The following PVT1 variants were observed in gnomAD, a reference collection of about 807,000 sequenced individuals.
PVT1 encodes CXCR4/PVT1 fusion.
At chr8:127,837,545 T>G (rs1384874501) in intron 2 of PVT1, among the ~76,000 whole-genome samples, 1 of 152,146 alleles carries the variant, frequency 6.6e-6, no homozygotes, top group Admixed American at 6.6e-5. Flanking sequence ...AGTATATTAT[T>G]CCTATATAAT....
chr8:128,065,311 C>A (rs901382674), intron 4 of PVT1, among the ~76,000 whole-genome samples: 2 of 152,130 alleles, frequency 1.3e-5, no homozygotes, highest in African/African-American at 4.8e-5. Context: ...CATGCCTCAG[C>A]CTCCAGAGTA....
chr8:128,062,617 G>A (rs1479241950), intron 4 of PVT1, among the ~76,000 whole-genome samples: 2 of 152,108 alleles, frequency 1.3e-5, no homozygotes, highest in African/African-American at 4.8e-5. Context: ...GTCATTTGTA[G>A]GCTAGAAAAA....
intron 2 of PVT1, among the ~76,000 whole-genome samples, chr8:127,870,847 T>C (rs753294126): frequency 3.3e-5 from 5 of 152,218 alleles, no homozygotes; most frequent in African/African-American, 4.8e-5. Flanking sequence ...GCATGCAGCC[T>C]GAAAATGTGA....
intron 3 of PVT1, among the ~76,000 whole-genome samples, chr8:127,938,072 T>A (rs1033065958): frequency 6.6e-6 from 1 of 152,126 alleles, no homozygotes; most frequent in Non-Finnish European, 1.5e-5. Flanking sequence ...CCTTGTAACC[T>A]CTTCAGGCGA....
intron 3 of PVT1, among the ~76,000 whole-genome samples, chr8:127,903,051 C>T (rs1244210859): frequency 6.6e-6 from 1 of 152,170 alleles, no homozygotes; most frequent in Non-Finnish European, 1.5e-5. Context: ...ACATTCCCAC[C>T]AACAGTGTGT....
chr8:127,918,538 A>T (rs1405076948), intron 3 of PVT1, among the ~76,000 whole-genome samples: 1 of 152,180 alleles, frequency 6.6e-6, no homozygotes. Context: ...CTCATTGATA[A>T]ACTGAAGCCA....
At chr8:127,831,139 A>ATCTC (rs147278525) in intron 2 of PVT1, among the ~76,000 whole-genome samples, 69 of 142,056 alleles carry the variant, frequency 4.9e-4, no homozygotes, top group East Asian at 2.3e-3. Flanking sequence ...ATCTATATCT[A>ATCTC]TCTCTCTCTC....
intron 3 of PVT1, among the ~76,000 whole-genome samples, chr8:127,945,182 T>A (rs1021313675): frequency 6.6e-5 from 10 of 152,008 alleles, no homozygotes; most frequent in African/African-American, 2.2e-4. Flanking sequence ...GCTTGATGCA[T>A]TTTTTTTCTT....
intron 2 of PVT1, among the ~76,000 whole-genome samples, chr8:127,819,011 G>C (rs957445385): frequency 6.6e-6 from 1 of 152,096 alleles, no homozygotes. Context: ...AAGTGCTACC[G>C]CTCCTAGCTA....
At chr8:128,086,113 G>A (rs1272584537) in intron 5 of PVT1, among the ~76,000 whole-genome samples, 11 of 152,200 alleles carry the variant, frequency 7.2e-5, no homozygotes, top group Admixed American at 1.3e-4. Flanking sequence ...GCTGTGAGTC[G>A]ATAAGTTGTT....
At chr8:127,807,813 C>CT (rs1366321083) in intron 2 of PVT1, among the ~76,000 whole-genome samples, 2 of 151,908 alleles carry the variant, frequency 1.3e-5, no homozygotes, top group Non-Finnish European at 2.9e-5. Context: ...GTCACCCAGG[C>CT]TGGGAGTGCA....
intron 2 of PVT1, among the ~76,000 whole-genome samples, chr8:127,870,922 A>G (rs551979095): frequency 2.0e-5 from 3 of 152,234 alleles, no homozygotes; most frequent in Admixed American, 6.5e-5. Flanking sequence ...CGTGTGTCCT[A>G]TTAACTCTGT....
chr8:127,970,935 A>C (rs2129963153), intron 3 of PVT1, among the ~76,000 whole-genome samples: 1 of 152,282 alleles, frequency 6.6e-6, no homozygotes, highest in East Asian at 1.9e-4. Context: ...GGGCCAGCAA[A>C]CTGACAGGCT....
intron 3 of PVT1, among the ~76,000 whole-genome samples, chr8:127,925,995 C>G (rs988424635): frequency 6.6e-6 from 1 of 152,134 alleles, no homozygotes; most frequent in Admixed American, 6.5e-5. Context: ...GTGTTCTCAG[C>G]TCGTTTCATT....
chr8:127,975,998 C>G (rs1381478723), intron 3 of PVT1, among the ~76,000 whole-genome samples: 1 of 152,152 alleles, frequency 6.6e-6, no homozygotes, highest in Non-Finnish European at 1.5e-5. Context: ...CCAGCTGGAA[C>G]CTTCCTCTGT....
intron 4 of PVT1, among the ~76,000 whole-genome samples, chr8:128,000,219 CA>C (rs1252362191): frequency 1.3e-5 from 2 of 152,230 alleles, no homozygotes; most frequent in Non-Finnish European, 2.9e-5. Context: ...GGACCCGAGG[CA>C]CACAGAATGA....
intron 3 of PVT1, among the ~76,000 whole-genome samples, chr8:127,929,610 C>A (rs1816176658): frequency 1.3e-5 from 2 of 151,666 alleles, no homozygotes; most frequent in Admixed American, 1.3e-4. Flanking sequence ...ACTAAAAATA[C>A]AAAAAAAATT....
intron 2 of PVT1, among the ~76,000 whole-genome samples, chr8:127,890,393 G>C (rs113341835): frequency 6.6e-6 from 1 of 152,234 alleles, no homozygotes; most frequent in Admixed American, 6.5e-5. Context: ...GAGGTCCTTC[G>C]TACCGCAGGA....
chr8:127,913,532 C>T (rs1485572553), intron 3 of PVT1, among the ~76,000 whole-genome samples: 2 of 152,058 alleles, frequency 1.3e-5, no homozygotes, highest in South Asian at 2.1e-4. Flanking sequence ...TTCTGTTGGG[C>T]GCTGCTGCTT....
Sources: allele counts gnomAD v4.1 joint callset (sites outside exome capture counted in the v4.1 genomes callset), GRCh38; gene constraint gnomAD v4.1.1; transcripts MANE v1.5; gene names NCBI Gene and HGNC (gene_info 2026-07-23, HGNC 2026-07-21).